The following BLTP1 variants were observed in gnomAD, a reference collection of about 807,000 sequenced individuals.
BLTP1 encodes fragile site-associated protein.
At chr4:122,341,557 G>A in the BLTP1 span, 2 of 310,360 alleles carry the variant, frequency 6.4e-6, no homozygotes, top group Non-Finnish European at 9.4e-6. Context: ...GGTAGTGAAA[G>A]GAATATGAAA....
At chr4:122,306,454 AG>A in the BLTP1 span, 1 of 561,022 alleles carries the variant, frequency 1.8e-6, no homozygotes, top group Non-Finnish European at 2.3e-6. Flanking sequence ...CCAGTGGAAA[AG>A]AAAACAAAGT....
At chr4:122,247,801 C>A in the BLTP1 span, 5 of 991,232 alleles carry the variant, frequency 5.0e-6, no homozygotes, top group Non-Finnish European at 6.0e-6. Context: ...GACACACATT[C>A]CTCTTAAAGT....
the BLTP1 span, among the ~76,000 whole-genome samples, chr4:122,260,779 T>C: frequency 1.3e-5 from 2 of 151,996 alleles, no homozygotes; most frequent in East Asian, 3.9e-4. Flanking sequence ...AGAACGTTCT[T>C]TGCAGCACTA....
chr4:122,163,788 A>G, the BLTP1 span, among the ~76,000 whole-genome samples: 1 of 152,234 alleles, frequency 6.6e-6, no homozygotes, highest in Non-Finnish European at 1.5e-5. Context: ...CAGGTGAAGC[A>G]TAGTATAGAG....
At chr4:122,360,131 C>A in the BLTP1 span, 1 of 804,100 alleles carries the variant, frequency 1.2e-6, no homozygotes, top group Non-Finnish European at 1.5e-6. Flanking sequence ...ATTTTAATTT[C>A]TTGCTGTATA....
At chr4:122,258,301 A>C in the BLTP1 span, among the ~76,000 whole-genome samples, 1 of 152,232 alleles carries the variant, frequency 6.6e-6, no homozygotes, top group Non-Finnish European at 1.5e-5. Flanking sequence ...ATAACTTGAT[A>C]TTTAACAAAT....
the BLTP1 span, chr4:122,336,044 C>G: frequency 1.7e-6 from 1 of 586,046 alleles, no homozygotes; most frequent in Non-Finnish European, 2.9e-6. Context: ...ATTAACATAT[C>G]ATTCCTATCA....
chr4:122,192,874 T>G, the BLTP1 span, among the ~76,000 whole-genome samples: 2 of 152,202 alleles, frequency 1.3e-5, no homozygotes, highest in African/African-American at 4.8e-5. Flanking sequence ...TAGGGCTGCC[T>G]TAATAAAGCA....
the BLTP1 span, among the ~76,000 whole-genome samples, chr4:122,294,917 C>T: frequency 6.6e-6 from 1 of 152,130 alleles, no homozygotes; most frequent in Non-Finnish European, 1.5e-5. Context: ...TAAAGAGGAA[C>T]ATAACTGACC....
At chr4:122,333,821 A>G in the BLTP1 span, 9 of 1,605,636 alleles carry the variant, frequency 5.6e-6, no homozygotes, top group South Asian at 2.2e-5. Flanking sequence ...TAAAAACCCA[A>G]TTGCCTAGGG....
chr4:122,359,630 C>A, the BLTP1 span: 1 of 1,612,728 alleles, frequency 6.2e-7, no homozygotes, highest in South Asian at 1.1e-5. Context: ...ACGACAATTC[C>A]TCTGATAAAG....
At chr4:122,354,593 T>G in the BLTP1 span, among the ~76,000 whole-genome samples, 1 of 152,006 alleles carries the variant, frequency 6.6e-6, no homozygotes, top group African/African-American at 2.4e-5. Context: ...ATTATCTCTG[T>G]GTATTGGAAA....
At chr4:122,232,829 T>G in the BLTP1 span, among the ~76,000 whole-genome samples, 9,764 of 152,118 alleles carry the variant, frequency 0.064, 885 homozygotes, top group African/African-American at 0.2. Flanking sequence ...TGCATTCATG[T>G]CATACCCAGC....
chr4:122,208,088 A>G, the BLTP1 span: 1 of 984,760 alleles, frequency 1.0e-6, no homozygotes, highest in Non-Finnish European at 1.2e-6. Flanking sequence ...TGGTATGGAT[A>G]ACCAGTAGTA....
At chr4:122,343,450 T>G in the BLTP1 span, 1 of 1,614,032 alleles carries the variant, frequency 6.2e-7, no homozygotes, top group Non-Finnish European at 8.5e-7. Flanking sequence ...GAAGTCGACA[T>G]AGTAGTAGTC....
chr4:122,340,981 C>T, the BLTP1 span: 1 of 242,470 alleles, frequency 4.1e-6, no homozygotes, highest in Admixed American at 6.6e-5. Flanking sequence ...TGCTATGTAA[C>T]TTTTTAAAAT....
At chr4:122,211,053 A>G in the BLTP1 span, 8 of 1,605,870 alleles carry the variant, frequency 5.0e-6, no homozygotes, top group African/African-American at 5.4e-5. Context: ...ATTCTCAGAT[A>G]ACTCTCTATG....
the BLTP1 span, chr4:122,273,544 T>TA: frequency 1.1e-4 from 56 of 503,626 alleles, 1 homozygote; most frequent in Non-Finnish European, 1.3e-4. Flanking sequence ...AGAATGACCA[T>TA]ACTCATTTAT....
the BLTP1 span, among the ~76,000 whole-genome samples, chr4:122,332,161 CTG>C: frequency 6.6e-6 from 1 of 151,774 alleles, no homozygotes; most frequent in African/African-American, 2.4e-5. Flanking sequence ...ATTATTGAAA[CTG>C]GGTAGTGGGA....
Sources: gnomAD v4.1 joint callset for allele counts (sites outside exome capture counted in the v4.1 genomes callset) on GRCh38, gnomAD v4.1.1 for gene constraint, MANE v1.5 for transcripts, NCBI Gene and HGNC (gene_info 2026-07-23, HGNC 2026-07-21) for gene names.